Variants in ZFYVE9 observed in about 807,000 individuals in gnomAD.
ZFYVE9 encodes zinc finger FYVE domain-containing protein 9.
In ZFYVE9, 43 loss-of-function variants were observed where a neutral mutation model predicts 126.7. The ratio of observed to expected loss-of-function variants is 0.34; its 90% CI spans 0.27 to 0.44. The LOEUF is 0.44. Ranked by LOEUF, ZFYVE9 falls within the 20% of genes least tolerant of loss-of-function variation. The probability of loss-of-function intolerance (pLI) is 1.00; values close to 1 mark genes in which losing one functional copy is unlikely to be tolerated. For missense variants in ZFYVE9, 1,476 were observed against 1,697.0 expected (o/e 0.87, Z 2.29); for synonymous variants, 521 against 597.4 (o/e 0.87, Z 1.87).
intron 4 of ZFYVE9, among the ~76,000 whole-genome samples, chr1:52,251,394 T>G (rs1352304811): frequency 6.6e-6 from 1 of 152,208 alleles, no homozygotes; most frequent in African/African-American, 2.4e-5. Flanking sequence ...TTTAAAGTTT[T>G]TTTTAAATCA....
At chr1:52,295,161 C>T (rs1645960871) in intron 11 of ZFYVE9, among the ~76,000 whole-genome samples, 1 of 152,048 alleles carries the variant, frequency 6.6e-6, no homozygotes. Flanking sequence ...TGCCACTGCA[C>T]TCCAGCCTGG....
chr1:52,253,195 C>G (rs554808124), intron 4 of ZFYVE9, among the ~76,000 whole-genome samples: 1 of 152,094 alleles, frequency 6.6e-6, no homozygotes, highest in Non-Finnish European at 1.5e-5. Flanking sequence ...TGTTGTATAT[C>G]GAGTCTTAAA....
At chr1:52,310,626 G>C (rs1646128946) in intron 13 of ZFYVE9, among the ~76,000 whole-genome samples, 1 of 152,166 alleles carries the variant, frequency 6.6e-6, no homozygotes, top group South Asian at 2.1e-4. Context: ...TCAAACCTGG[G>C]CTTTCTGATT....
chr1:52,296,848 C>G (rs1002934298), intron 12 of ZFYVE9, among the ~76,000 whole-genome samples: 2 of 152,170 alleles, frequency 1.3e-5, no homozygotes, highest in Non-Finnish European at 2.9e-5. Context: ...GACAGAGTCT[C>G]TATCGCCCAA....
intron 1 of ZFYVE9, among the ~76,000 whole-genome samples, chr1:52,207,641 C>T (rs1644990158): frequency 6.6e-6 from 1 of 152,186 alleles, no homozygotes; most frequent in African/African-American, 2.4e-5. Flanking sequence ...ATCAAATTTA[C>T]TTAGCCTCTT....
rs1009440293 is a variant in ZFYVE9 at position 52,269,216 on chromosome 1, A to G, written c.2625+584A>G. The stretch of plus-strand genomic sequence containing the variant: ...GTGATCTTGGCTCACTGCAACCTCT[A>G]CCTCCCAGGTTCAAGCAATTCTCCT... On this transcript the variant is annotated intron_variant, in intron 7 of 18. Coordinates refer to ENST00000287727, the MANE Select transcript of ZFYVE9 (RefSeq NM_004799.4). Among the ~76,000 whole-genome samples, 4 of 151,558 alleles carry G rather than the reference A, an allele frequency of 2.6e-5. No homozygotes were observed. The East Asian group carries it at 5.8e-4, about 22-fold the overall frequency.
At chr1:52,325,366 AAG>A (rs927895380) in intron 13 of ZFYVE9, among the ~76,000 whole-genome samples, 2 of 152,024 alleles carry the variant, frequency 1.3e-5, no homozygotes, top group Non-Finnish European at 2.9e-5. Context: ...TAAAAAATAA[AAG>A]AATTAGCCAG....
Position 52,238,132 on chromosome 1 carries a change from A to G in ZFYVE9, c.715A>G (p.Ser239Gly), listed in dbSNP as rs546775568. Reference protein sequence around the residue: ...LCPTSSDSLASVCSPSQLKDD... With the variant: ...LCPTSSDSLAGVCSPSQLKDD... ...TCCTACTTCATCTGATAGTCTAGCC[A>G]GTGTCTGTTCCCCTTCACAATTAAA... The change falls in exon 4 of 19, where the codon AGT becomes GGT. Residue 239 changes from serine to glycine, a missense_variant. This residue lies in a region of ZFYVE9 where 807 missense variants were observed against 794.6 expected (regional missense o/e 1.02). Coordinates refer to ENST00000287727, the MANE Select transcript of ZFYVE9 (RefSeq NM_004799.4). 3.7e-6 allele frequency: 6 copies of G among 1,614,136 alleles called. No homozygotes were observed. Among genetic ancestry groups the G allele is most frequent in the Non-Finnish European group, 5.1e-6 (6 of 1,179,972 alleles).
chr1:52,321,412 T>G (rs1206655971), intron 13 of ZFYVE9, among the ~76,000 whole-genome samples: 1 of 152,178 alleles, frequency 6.6e-6, no homozygotes, highest in African/African-American at 2.4e-5. Context: ...TGGAGAATAG[T>G]GCAGAGGAGA....
At chr1:52,272,942 G>A (rs530429810) in intron 7 of ZFYVE9, among the ~76,000 whole-genome samples, 6 of 152,232 alleles carry the variant, frequency 3.9e-5, no homozygotes, top group South Asian at 2.1e-4. Flanking sequence ...GATTACGGGC[G>A]TGAGCCACTG....
At chr1:52,292,113 T>C (rs1338260376) in intron 10 of ZFYVE9, among the ~76,000 whole-genome samples, 1 of 151,832 alleles carries the variant, frequency 6.6e-6, no homozygotes, top group Admixed American at 6.6e-5. Flanking sequence ...ACTCTGTTTC[T>C]ACTAAAAATG....
rs531960985 is a variant in ZFYVE9 at position 52,155,486 on chromosome 1, G to A, written c.-143+13083G>A. On this transcript the variant is annotated intron_variant, in intron 1 of 18. Transcript: ENST00000287727. Reference sequence around the variant, plus strand: ...CCTGACCTCGTGGTCCACCCGCCTCGGCCTCCCAAAGTGCTGGGATTACAG... The same window carrying A: ...CCTGACCTCGTGGTCCACCCGCCTCAGCCTCCCAAAGTGCTGGGATTACAG... 2.6e-5 allele frequency among the ~76,000 whole-genome samples: 4 copies of A among 152,142 alleles called. No individual in the cohort carries two copies. In the South Asian group the frequency reaches 8.3e-4, roughly 32 times the overall value.
intron 13 of ZFYVE9, among the ~76,000 whole-genome samples, chr1:52,320,522 A>C (rs1646229500): frequency 6.6e-6 from 1 of 152,258 alleles, no homozygotes; most frequent in African/African-American, 2.4e-5. Context: ...GCAGTTCATT[A>C]GCAAAAGGAT....
chr1:52,159,864 C>T (rs932960330), intron 1 of ZFYVE9, among the ~76,000 whole-genome samples: 9 of 151,408 alleles, frequency 5.9e-5, no homozygotes, highest in South Asian at 2.1e-4. Flanking sequence ...GGCGAGATCT[C>T]GGCTCACTGC....
chr1:52,182,804 T>C (rs1318051689), intron 1 of ZFYVE9, among the ~76,000 whole-genome samples: 1 of 151,856 alleles, frequency 6.6e-6, no homozygotes, highest in Non-Finnish European at 1.5e-5. Context: ...TTTTAAATTA[T>C]AGTATTTCCT....
At chr1:52,308,993 A>G (rs539338075) in intron 13 of ZFYVE9, among the ~76,000 whole-genome samples, 1 of 152,260 alleles carries the variant, frequency 6.6e-6, no homozygotes, top group Admixed American at 6.5e-5. Flanking sequence ...TATTGCAAGT[A>G]TACTAAAGGT....
At chr1:52,272,519 G>A (rs1352878921) in intron 7 of ZFYVE9, among the ~76,000 whole-genome samples, 1 of 152,014 alleles carries the variant, frequency 6.6e-6, no homozygotes, top group African/African-American at 2.4e-5. Context: ...AATATTATGA[G>A]ATTTATCCAT....
chr1:52,333,768 C>T (rs1164546764), intron 14 of ZFYVE9, among the ~76,000 whole-genome samples: 2 of 144,412 alleles, frequency 1.4e-5, no homozygotes, highest in African/African-American at 5.2e-5. Context: ...CAAGCCTGGG[C>T]AACATAGCAA....
chr1:52,205,428 A>G (rs1644969285), intron 1 of ZFYVE9, among the ~76,000 whole-genome samples: 1 of 151,892 alleles, frequency 6.6e-6, no homozygotes. Context: ...TCTGGAGTGC[A>G]GTGGTAACTC....
Sources: allele counts gnomAD v4.1 joint callset (sites outside exome capture counted in the v4.1 genomes callset), GRCh38; gene constraint gnomAD v4.1.1; regional missense constraint gnomAD v4.1.1; transcripts MANE v1.5; gene names NCBI Gene and HGNC (gene_info 2026-07-23, HGNC 2026-07-21).